The following RELCH variants were observed in gnomAD, a reference collection of about 807,000 sequenced individuals.
The protein encoded by RELCH is RAB11-binding protein RELCH.
In RELCH, 41 loss-of-function variants were observed where a neutral mutation model predicts 150.3. The ratio of observed to expected loss-of-function variants is 0.27; its 90% CI spans 0.21 to 0.35. The LOEUF is 0.35. Among genes scored for constraint, RELCH ranks in the 10% least tolerant of loss-of-function variants. The pLI, the probability that RELCH is intolerant of heterozygous loss-of-function variation, is 1.00. For missense variants in RELCH, 1,092 were observed against 1,467.8 expected (o/e 0.74, Z 4.18); for synonymous variants, 478 against 531.8 (o/e 0.90, Z 1.39).
intron 26 of RELCH, among the ~76,000 whole-genome samples, chr18:62,291,294 C>T (rs1264129716): frequency 6.6e-6 from 1 of 152,124 alleles, no homozygotes; most frequent in Admixed American, 6.5e-5. Context: ...ATTTCCATGA[C>T]ATTCTGTAAT....
intron 17 of RELCH, among the ~76,000 whole-genome samples, chr18:62,264,369 A>G (rs576012196): frequency 5.9e-5 from 9 of 152,158 alleles, no homozygotes; most frequent in East Asian, 1.9e-4. Flanking sequence ...TGTTTGTCCA[A>G]TCGTGGTGAT....
rs759471461 is a variant in RELCH, at chr18:62,255,484, A to G, written c.1896+6A>G. The G allele has an allele frequency of 6.4e-7, 1 of 1,568,710 alleles. No individual in the cohort carries two copies. Among genetic ancestry groups the G allele is most frequent in the Non-Finnish European group, 8.6e-7 (1 of 1,157,654 alleles). On this transcript the variant is annotated splice_donor_region_variant and intron_variant, in intron 13 of 28. Transcript: ENST00000644646. The stretch of plus-strand genomic sequence containing the variant: ...CACTGGCACCTTACCTTCCTGTAAG[A>G]TTGTCTTTTTTTTTTTCTTTAAACT...
chr18:62,277,817 T>G, intron 22 of RELCH: 1 of 831,556 alleles, frequency 1.2e-6, no homozygotes, highest in Non-Finnish European at 1.5e-6. Flanking sequence ...GAGGAATTTA[T>G]CATGTTATAA....
At chr18:62,223,035 A>G (rs1177274032) in intron 5 of RELCH, among the ~76,000 whole-genome samples, 1 of 152,032 alleles carries the variant, frequency 6.6e-6, no homozygotes, top group Non-Finnish European at 1.5e-5. Context: ...AAAGAAAAAA[A>G]TTCAAATCAG....
At position 62,190,634 on chromosome 18, in the gene RELCH, C is replaced by T. The variant is rs960293479; in HGVS notation, c.526+2603C>T. 5.9e-5 allele frequency among the ~76,000 whole-genome samples: 9 copies of T among 152,000 alleles called. No individual in the cohort carries two copies. In the South Asian group the frequency reaches 1.5e-3, roughly 25 times the overall value. On this transcript the variant is annotated intron_variant, in intron 1 of 28. Coordinates refer to ENST00000644646, the MANE Select transcript of RELCH (RefSeq NM_001346231.2). ...TAAAATACAGAACATTTTTATTATC[C>T]CCAGAATTCCTTCATTCAATATCCT...
rs2045958741 is a variant in RELCH at position 62,309,598 on chromosome 18, T to G, written c.*4064T>G. The G allele has an allele frequency of 6.6e-6, 1 of 152,226 alleles. No individual in the cohort carries two copies. Among genetic ancestry groups the G allele is most frequent in the Non-Finnish European group, 1.5e-5 (1 of 68,040 alleles). 9.4% of individuals were successfully genotyped at this position (152,226 alleles called of 1,614,324 possible). ...TGCATCAAAAACAAATATATTTTAT[T>G]TTGATAGTATATAAATAATATCTTC... On this transcript the variant is annotated 3_prime_UTR_variant, in exon 29 of 29. Transcript: ENST00000644646.
chr18:62,214,571 G>A (rs1230759137), intron 2 of RELCH, among the ~76,000 whole-genome samples: 1 of 152,092 alleles, frequency 6.6e-6, no homozygotes, highest in Non-Finnish European at 1.5e-5. Context: ...GAGACTCTGT[G>A]GCAGCTCTGA....
chr18:62,187,685 C>A lies in RELCH; in HGVS notation c.180C>A (p.Pro60=), dbSNP rs377235924. ...GSAGSLSPQD[P]VALGSSARPG... Reference sequence around the variant, plus strand: ...CGGGCTCGCTGTCGCCACAGGATCCCGTGGCCTTAGGAAGCAGTGCGCGGC... The same window carrying A: ...CGGGCTCGCTGTCGCCACAGGATCCAGTGGCCTTAGGAAGCAGTGCGCGGC... The change falls in exon 1 of 29, where the codon CCC becomes CCA. Residue 60 remains proline (P), a synonymous_variant. Coordinates refer to ENST00000644646, the MANE Select transcript of RELCH (RefSeq NM_001346231.2). 1 of 1,584,574 alleles carries A rather than the reference C, an allele frequency of 6.3e-7. No individual in the cohort carries two copies. Among genetic ancestry groups the A allele is most frequent in the South Asian group, 1.1e-5 (1 of 87,846 alleles).
At chr18:62,277,967 ACTT>A in intron 22 of RELCH, 1 of 399,506 alleles carries the variant, frequency 2.5e-6, no homozygotes, top group Non-Finnish European at 3.4e-6. Flanking sequence ...AGGCCCTGCA[ACTT>A]AGACTTGGAC....
At chr18:62,236,580 A>G (rs577815581) in intron 10 of RELCH, among the ~76,000 whole-genome samples, 2 of 151,934 alleles carry the variant, frequency 1.3e-5, no homozygotes, top group South Asian at 2.1e-4. Flanking sequence ...AGTTCATTTC[A>G]TCTTGATTAT....
chr18:62,258,762 C>G (rs1416826169), intron 15 of RELCH, 86 bp downstream of exon 15: 7 of 891,772 alleles, frequency 7.8e-6, no homozygotes, highest in Non-Finnish European at 9.9e-6. Context: ...AGAACAGAGA[C>G]AGAAAGTGCC....
intron 25 of RELCH, among the ~76,000 whole-genome samples, chr18:62,284,622 T>A (rs1469460997): frequency 6.6e-6 from 1 of 152,194 alleles, no homozygotes; most frequent in Non-Finnish European, 1.5e-5. Context: ...GTAGAACCTG[T>A]ATGAAGAATG....
chr18:62,291,060 A>G (rs1204213023), intron 26 of RELCH, among the ~76,000 whole-genome samples: 1 of 152,152 alleles, frequency 6.6e-6, no homozygotes, highest in Non-Finnish European at 1.5e-5. Context: ...AATATTTCTG[A>G]TATGCACTAT....
chr18:62,272,220 T>C (rs2043942465), intron 20 of RELCH, among the ~76,000 whole-genome samples: 1 of 152,176 alleles, frequency 6.6e-6, no homozygotes, highest in Non-Finnish European at 1.5e-5. Flanking sequence ...ATCAAAGATA[T>C]TAAGTCCTAA....
intron 19 of RELCH, among the ~76,000 whole-genome samples, chr18:62,268,336 CT>C (rs1403117084): frequency 2.0e-5 from 3 of 152,028 alleles, no homozygotes; most frequent in Non-Finnish European, 4.4e-5. Context: ...TTTTTCTCTG[CT>C]TTACTTAGCA....
chr18:62,307,274 AAG>A lies in RELCH; in HGVS notation c.*1741_*1742del, dbSNP rs1215132901. 1 of 152,042 alleles carries A rather than the reference AAG, an allele frequency of 6.6e-6. No individual in the cohort carries two copies. Among genetic ancestry groups the A allele is most frequent in the East Asian group, 1.9e-4 (1 of 5,202 alleles). 9.4% of individuals were successfully genotyped at this position (152,042 alleles called of 1,614,324 possible). A position where few individuals can be genotyped will look rare whatever the true frequency, so the allele number is the denominator to read the frequency against. On this transcript the variant is annotated 3_prime_UTR_variant, in exon 29 of 29. Coordinates refer to ENST00000644646, the MANE Select transcript of RELCH (RefSeq NM_001346231.2). Reference sequence around the variant, plus strand: ...ACCTATTTTGGTTTATTTTTACTAAAAGGGGACCATGTTGCTATAAAACTAAT... The same window carrying A: ...ACCTATTTTGGTTTATTTTTACTAAAGGGACCATGTTGCTATAAAACTAAT...
At chr18:62,188,077 G>A in intron 1 of RELCH, 46 bp downstream of exon 1, 2 of 1,490,542 alleles carry the variant, frequency 1.3e-6, no homozygotes, top group Non-Finnish European at 1.8e-6. Context: ...ATTTGGGATT[G>A]TACGGAGTTA....
At chr18:62,275,512 G>GT in intron 22 of RELCH, 39 bp downstream of exon 22, 1 of 1,287,796 alleles carries the variant, frequency 7.8e-7, no homozygotes, top group Non-Finnish European at 1.1e-6. Flanking sequence ...CAATTATAAT[G>GT]ATTTTTTTTT....
intron 20 of RELCH, chr18:62,269,296 C>T: frequency 2.8e-6 from 1 of 359,320 alleles, no homozygotes; most frequent in Admixed American, 3.6e-5. Flanking sequence ...CACTGTAGAA[C>T]ACTATACCTT....
Sources: gnomAD v4.1 joint callset for allele counts (sites outside exome capture counted in the v4.1 genomes callset) on GRCh38, gnomAD v4.1.1 for gene constraint, MANE v1.5 for transcripts, NCBI Gene and HGNC (gene_info 2026-07-23, HGNC 2026-07-21) for gene names.